Variants in STK24 observed in about 807,000 individuals in gnomAD.
STK24 encodes serine/threonine-protein kinase 24.
In STK24, 21 loss-of-function variants were observed where a neutral mutation model predicts 55.6. The observed-to-expected ratio is 0.38, with a 90% CI of 0.27 to 0.54. The LOEUF is 0.54. STK24 is among the 20% of genes least tolerant of loss of function. The probability of loss-of-function intolerance (pLI) is 0.79; values close to 1 mark genes in which losing one functional copy is unlikely to be tolerated. For synonymous variants in STK24, 200 were observed against 215.2 expected, an observed-to-expected ratio of 0.93 and a Z score of 0.62; for missense variants, 383 against 538.4, an observed-to-expected ratio of 0.71 and a Z score of 2.86.
chr13:98,500,863 TG>T (rs780924112), intron 2 of STK24, among the ~76,000 whole-genome samples: 74 of 152,222 alleles, frequency 4.9e-4, no homozygotes, highest in Non-Finnish European at 4.9e-4. Context: ...AGGAGAACAC[TG>T]GGATGCTCAC....
chr13:98,515,624 C>A (rs1369997577), intron 2 of STK24, among the ~76,000 whole-genome samples: 1 of 152,180 alleles, frequency 6.6e-6, no homozygotes, highest in Non-Finnish European at 1.5e-5. Context: ...TTTGTGACTT[C>A]ATCACTGCTA....
intron 1 of STK24, among the ~76,000 whole-genome samples, chr13:98,564,048 G>T (rs9556974): frequency 6.6e-6 from 1 of 151,876 alleles, no homozygotes; most frequent in Non-Finnish European, 1.5e-5. Flanking sequence ...TAAAATAAAT[G>T]GGGGGGAGAG....
chr13:98,474,810 C>T lies in STK24; in HGVS notation c.597+11G>A, dbSNP rs1361168254. 6.2e-7 allele frequency: 1 copy of T among 1,604,444 alleles called. No individual in the cohort carries two copies. The highest frequency in any genetic ancestry group is 1.1e-5 in the South Asian group (1 of 89,636). ...TCGTGAGGCACGGCGCCGCCCTCAC[C>T]CTCCCCTCACCTTCGAGTCATAGGC... is the stretch of plus-strand genomic sequence containing the variant. On this transcript the variant is annotated intron_variant, in intron 5 of 10. Transcript: ENST00000539966.
intron 2 of STK24, among the ~76,000 whole-genome samples, chr13:98,510,955 T>G (rs1895859137): frequency 6.6e-6 from 1 of 152,236 alleles, no homozygotes; most frequent in Non-Finnish European, 1.5e-5. Context: ...ACCAGGCATT[T>G]AGCTGGTAAG....
chr13:98,540,065 C>T lies in STK24; in HGVS notation c.43-20592G>A, dbSNP rs547447390. ...AGGAATGAACAACAGACACAAGCTG[C>T]GTTGCGAGCCCCAAGAACGTCATGC... On this transcript the variant is annotated intron_variant, in intron 1 of 10. Coordinates refer to ENST00000539966, the MANE Select transcript of STK24 (RefSeq NM_001032296.4). Among the ~76,000 whole-genome samples the T allele has an allele frequency of 3.9e-5, 6 of 152,296 alleles. No individual in the cohort carries two copies. The East Asian group carries it at 9.6e-4, about 24-fold the overall frequency.
chr13:98,563,257 G>A (rs574559692), intron 1 of STK24, among the ~76,000 whole-genome samples: 7 of 152,304 alleles, frequency 4.6e-5, no homozygotes, highest in Non-Finnish European at 1.0e-4. Context: ...CCAGAATACC[G>A]ATGCTATTAG....
intron 1 of STK24, among the ~76,000 whole-genome samples, chr13:98,561,999 A>AG (rs1374679897): frequency 6.8e-6 from 1 of 148,000 alleles, no homozygotes; most frequent in East Asian, 1.9e-4. Flanking sequence ...AAAAAAAAAA[A>AG]AAAGATGTGA....
intron 2 of STK24, among the ~76,000 whole-genome samples, chr13:98,508,167 G>A (rs1273820200): frequency 6.6e-6 from 1 of 151,350 alleles, no homozygotes; most frequent in African/African-American, 2.4e-5. Context: ...GCTAATAGAA[G>A]AAAAAAAATA....
intron 1 of STK24, among the ~76,000 whole-genome samples, chr13:98,573,099 C>T (rs1159413554): frequency 6.6e-5 from 10 of 152,280 alleles, no homozygotes; most frequent in South Asian, 2.1e-4. Context: ...TTCCAAAATT[C>T]GAAACACTTG....
At chr13:98,518,342 A>G (rs1479585466) in intron 2 of STK24, among the ~76,000 whole-genome samples, 1 of 152,230 alleles carries the variant, frequency 6.6e-6, no homozygotes, top group Non-Finnish European at 1.5e-5. Flanking sequence ...TAGAGACTTT[A>G]GAGGGTAAGG....
intron 1 of STK24, among the ~76,000 whole-genome samples, chr13:98,548,710 A>G (rs1237779727): frequency 2.0e-5 from 3 of 151,864 alleles, no homozygotes; most frequent in Admixed American, 1.3e-4. Flanking sequence ...AAAATTACAA[A>G]AATTAGCCAG....
At chr13:98,535,357 CAAACAAA>C (rs763202942) in intron 1 of STK24, among the ~76,000 whole-genome samples, 1,652 of 37,030 alleles carry the variant, frequency 0.045, 30 homozygotes, top group African/African-American at 0.1. Context: ...AACAAACAAA[CAAACAAA>C]AAAAAAATAT....
intron 7 of STK24, 54 bp from the exon 8 acceptor site, chr13:98,461,951 G>A: frequency 6.2e-7 from 1 of 1,601,506 alleles, no homozygotes. Flanking sequence ...TGCTCTGGGG[G>A]CGCTGGGACG....
chr13:98,563,103 C>G (rs1336966050), intron 1 of STK24, among the ~76,000 whole-genome samples: 2 of 152,038 alleles, frequency 1.3e-5, no homozygotes, highest in Non-Finnish European at 2.9e-5. Flanking sequence ...GAGGAAGGAA[C>G]CAGGGATGCC....
Position 98,451,040 on chromosome 13 carries a change from T to A in STK24, c.*2133A>T, listed in dbSNP as rs1409811414. The A allele has an allele frequency of 6.6e-6, 1 of 152,148 alleles. No homozygotes were observed. The highest frequency in any genetic ancestry group is 1.9e-4 in the East Asian group (1 of 5,192). 9.4% of individuals were successfully genotyped at this position (152,148 alleles called of 1,614,324 possible). On this transcript the variant is annotated 3_prime_UTR_variant, in exon 11 of 11. Coordinates refer to ENST00000539966, the MANE Select transcript of STK24 (RefSeq NM_001032296.4). ...TGATTTGTCTGGCGACTGCAGAGAC[T>A]CCCCGTTCATACCAGTATTCATTAG... is the stretch of plus-strand genomic sequence containing the variant.
At chr13:98,469,601 G>A (rs957855255) in intron 5 of STK24, among the ~76,000 whole-genome samples, 2 of 151,796 alleles carry the variant, frequency 1.3e-5, no homozygotes, top group African/African-American at 2.4e-5. Flanking sequence ...CCAGGGACAC[G>A]AGGGTCACCC....
chr13:98,519,556 T>G, intron 1 of STK24, 83 bp from the exon 2 acceptor site: 1 of 1,056,450 alleles, frequency 9.5e-7, no homozygotes. Context: ...TGTAATGTTA[T>G]AGACCACACT....
intron 2 of STK24, among the ~76,000 whole-genome samples, chr13:98,486,694 A>G (rs1019441490): frequency 1.3e-5 from 2 of 152,152 alleles, no homozygotes; most frequent in African/African-American, 4.8e-5. Flanking sequence ...AGAGGGCAAA[A>G]TCACCCAACA....
intron 10 of STK24, chr13:98,453,496 C>G (rs79507189): frequency 2.6e-6 from 1 of 380,290 alleles, no homozygotes; most frequent in African/African-American, 2.1e-5. Context: ...CTTTTACTTA[C>G]GATCAATTGT....
Sources: gnomAD v4.1 joint callset for allele counts (sites outside exome capture counted in the v4.1 genomes callset) on GRCh38, gnomAD v4.1.1 for gene constraint, MANE v1.5 for transcripts, NCBI Gene and HGNC (gene_info 2026-07-23, HGNC 2026-07-21) for gene names.